C8orf88: variants seen among roughly 807,000 people sequenced by gnomAD.
The protein encoded by C8orf88 is uncharacterized protein C8orf88.
Under a neutral mutation model 18.4 loss-of-function variants are expected in C8orf88, and 14 were observed. The ratio of observed to expected loss-of-function variants is 0.76; its 90% confidence interval spans 0.50 to 1.19. The LOEUF (loss-of-function observed/expected upper bound fraction) is 1.19. Ranked by LOEUF, C8orf88 falls within the 50% of genes most tolerant of loss-of-function variation. C8orf88 has a pLI of 0.00. For synonymous variants in C8orf88, 45 were observed against 42.9 expected (o/e 1.05, Z -0.19); for missense variants, 116 against 134.7 (o/e 0.86, Z 0.69).
intron 4 of C8orf88, among the ~76,000 whole-genome samples, chr8:90,962,820 A>G (rs1811147879): frequency 6.6e-6 from 1 of 151,730 alleles, no homozygotes; most frequent in African/African-American, 2.4e-5. Context: ...CCAAACATTT[A>G]CAGGAAAATG....
At chr8:90,966,365 A>C (rs1310325657) in intron 4 of C8orf88, among the ~76,000 whole-genome samples, 1 of 56,146 alleles carries the variant, frequency 1.8e-5, no homozygotes, top group South Asian at 7.3e-4. Flanking sequence ...GGGTGGGGGG[A>C]GGGGGGAGGG....
chr8:90,971,359 T>C (rs1446244170), intron 3 of C8orf88, among the ~76,000 whole-genome samples: 1 of 152,062 alleles, frequency 6.6e-6, no homozygotes, highest in African/African-American at 2.4e-5. Context: ...ATTATAATTA[T>C]TGTTGAAAAG....
intron 3 of C8orf88, among the ~76,000 whole-genome samples, chr8:90,972,438 G>C (rs1811296596): frequency 6.6e-6 from 1 of 151,270 alleles, no homozygotes; most frequent in South Asian, 2.1e-4. Context: ...ACAATTTCTT[G>C]CCTCCGGAAA....
intron 5 of C8orf88, among the ~76,000 whole-genome samples, chr8:90,959,741 T>C (rs1405811744): frequency 6.6e-6 from 1 of 151,310 alleles, no homozygotes; most frequent in Non-Finnish European, 1.5e-5. Context: ...AGATAGAAGG[T>C]AGTAGTGTTT....
At chr8:90,971,031 C>A in intron 4 of C8orf88, 35 bp downstream of exon 4, 1 of 1,259,340 alleles carries the variant, frequency 7.9e-7, no homozygotes, top group Non-Finnish European at 1.1e-6. Context: ...CTAAGACATT[C>A]AATGATAAAA....
At chr8:90,960,682 ATGT>A in intron 5 of C8orf88, 57 bp downstream of exon 5, 1 of 968,792 alleles carries the variant, frequency 1.0e-6, no homozygotes, top group Non-Finnish European at 1.5e-6. Flanking sequence ...TCTGATGAAA[ATGT>A]TAAAGAAAAA....
At chr8:90,973,229 A>T (rs1199693999) in intron 3 of C8orf88, among the ~76,000 whole-genome samples, 3 of 152,184 alleles carry the variant, frequency 2.0e-5, no homozygotes, top group African/African-American at 7.2e-5. Flanking sequence ...TTTACATAGG[A>T]GATGATGCTT....
At position 90,972,864 on chromosome 8, in the gene C8orf88, G is replaced by A. The variant is rs552229733; in HGVS notation, c.148-1723C>T. Among the ~76,000 whole-genome samples the A allele has an allele frequency of 2.6e-5, 4 of 152,232 alleles. No individual in the cohort carries two copies. In the South Asian group the frequency reaches 6.2e-4, roughly 24 times the overall value. ...GAAATGCTGTATATTTTCTAGCAGA[G>A]AGCAGCAAAGTATCTTACTCAAAAA... is the stretch of plus-strand genomic sequence containing the variant. On this transcript the variant is annotated intron_variant, in intron 3 of 5. Transcript: ENST00000517562.
chr8:90,976,361 G>A (rs138678795), intron 3 of C8orf88, among the ~76,000 whole-genome samples: 1 of 152,158 alleles, frequency 6.6e-6, no homozygotes, highest in East Asian at 1.9e-4. Context: ...AATTGAAGCA[G>A]CAGACAAAAC....
At chr8:90,967,130 T>G (rs1811212222) in intron 4 of C8orf88, among the ~76,000 whole-genome samples, 1 of 151,896 alleles carries the variant, frequency 6.6e-6, no homozygotes, top group Non-Finnish European at 1.5e-5. Context: ...ATCTTGTTCT[T>G]GATGGCGTGT....
intron 4 of C8orf88, among the ~76,000 whole-genome samples, chr8:90,966,806 A>G (rs905842973): frequency 4.0e-5 from 6 of 151,898 alleles, no homozygotes; most frequent in Admixed American, 3.3e-4. Flanking sequence ...ACCCATTATA[A>G]GTTAAAAATA....
chr8:90,984,199 A>G (rs1448539809), intron 1 of C8orf88, among the ~76,000 whole-genome samples: 2 of 152,244 alleles, frequency 1.3e-5, no homozygotes, highest in Non-Finnish European at 2.9e-5. Context: ...AAATAAGATC[A>G]TATAAAGTGA....
At chr8:90,978,351 A>C (rs1285449123) in intron 3 of C8orf88, among the ~76,000 whole-genome samples, 1 of 152,220 alleles carries the variant, frequency 6.6e-6, no homozygotes, top group Non-Finnish European at 1.5e-5. Flanking sequence ...TAGAGTTTGT[A>C]ACTATATGTG....
intron 1 of C8orf88, among the ~76,000 whole-genome samples, chr8:90,983,344 C>G (rs1336078406): frequency 6.6e-6 from 1 of 151,930 alleles, no homozygotes; most frequent in Non-Finnish European, 1.5e-5. Context: ...TTTTCAAGAT[C>G]ACACACACTT....
chr8:90,960,918 T>C, intron 4 of C8orf88, 70 bp from the exon 5 acceptor site: 1 of 786,788 alleles, frequency 1.3e-6, no homozygotes, highest in East Asian at 2.8e-5. Flanking sequence ...TTGGTTCATT[T>C]CTTTCTGGAT....
chr8:90,964,102 T>C (rs1811163256), intron 4 of C8orf88, among the ~76,000 whole-genome samples: 1 of 151,664 alleles, frequency 6.6e-6, no homozygotes, highest in Non-Finnish European at 1.5e-5. Context: ...CCAAAGACTC[T>C]CTGGGCCAAA....
At chr8:90,974,894 A>C (rs1811325724) in intron 3 of C8orf88, among the ~76,000 whole-genome samples, 1 of 152,170 alleles carries the variant, frequency 6.6e-6, no homozygotes, top group African/African-American at 2.4e-5. Context: ...AAAAGTTGCT[A>C]GATCTAATAA....
chr8:90,960,725 CTT>C lies in C8orf88; in HGVS notation c.330+15_330+16del, dbSNP rs1811113660. On this transcript the variant is annotated intron_variant, in intron 5 of 5. Coordinates refer to ENST00000517562, the MANE Select transcript of C8orf88 (RefSeq NM_001190972.2). ...TTGTAATATAATATTACAATACAAA[CTT>C]AGAAAACTACTTACTGGTTTTTGCA... 2 of 1,432,134 alleles carry C rather than the reference CTT, an allele frequency of 1.4e-6. No individual in the cohort carries two copies. Among genetic ancestry groups the C allele is most frequent in the Admixed American group, 2.1e-5 (1 of 47,772 alleles). The allele number at this position is 1,432,134 out of a possible 1,614,324, so 88.7% of individuals were successfully genotyped here. A position where few individuals can be genotyped will look rare whatever the true frequency, so the allele number is the denominator to read the frequency against.
At chr8:90,980,853 C>A (rs1811424672) in intron 1 of C8orf88, among the ~76,000 whole-genome samples, 1 of 152,032 alleles carries the variant, frequency 6.6e-6, no homozygotes, top group African/African-American at 2.4e-5. Context: ...CCACCATGCC[C>A]AGCTAATATA....
Sources: allele counts gnomAD v4.1 joint callset (sites outside exome capture counted in the v4.1 genomes callset), GRCh38; gene constraint gnomAD v4.1.1; transcripts MANE v1.5; gene names NCBI Gene and HGNC (gene_info 2026-07-23, HGNC 2026-07-21).